IGHMBP2: variants seen among roughly 807,000 people sequenced by gnomAD.
The protein encoded by IGHMBP2 is immunoglobulin mu DNA binding protein 2, also known as DNA-binding protein SMUBP-2.
Under a neutral mutation model 96.0 loss-of-function variants are expected in IGHMBP2, and 81 were observed. That is an observed-to-expected ratio of 0.84 (90% confidence interval 0.71 to 1.01). The LOEUF (loss-of-function observed/expected upper bound fraction) is 1.01. Ranked by LOEUF, IGHMBP2 falls within the 50% of genes least tolerant of loss-of-function variation. The pLI, the probability that IGHMBP2 is intolerant of heterozygous loss-of-function variation, is 0.00. For synonymous variants in IGHMBP2, 557 were observed against 548.9 expected (o/e 1.01, Z -0.21); for missense variants, 1,227 against 1,306.3 (o/e 0.94, Z 0.94).
intron 7 of IGHMBP2, among the ~76,000 whole-genome samples, chr11:68,920,281 G>A (rs1300350581): frequency 4.6e-5 from 7 of 152,184 alleles, no homozygotes; most frequent in Admixed American, 4.6e-4. Flanking sequence ...CTGGAGTACA[G>A]TGGTGCGGTC....
chr11:68,928,341 C>G (rs1859148286), intron 7 of IGHMBP2, among the ~76,000 whole-genome samples: 1 of 152,206 alleles, frequency 6.6e-6, no homozygotes, highest in Non-Finnish European at 1.5e-5. Flanking sequence ...CTTAATTATC[C>G]AAAGCCCAGC....
At position 68,935,394 on chromosome 11, in the gene IGHMBP2, A is replaced by G. The variant is rs1279063305; in HGVS notation, c.1728A>G (p.Ile576Met). Residue 576 changes from isoleucine to methionine, a missense_variant, in exon 12 of 15, where the codon ATA becomes ATG. Physicochemically the swap from Ile to Met is conservative, Grantham distance 10. Coordinates refer to ENST00000255078, the MANE Select transcript of IGHMBP2 (RefSeq NM_002180.3). ...AAGGCCGAGAGAAGGAGGCCGTGAT[A>G]CTGTCCTTCGTCAGATCCAACAGGA... is the stretch of plus-strand genomic sequence containing the variant. ...GFQGREKEAV[I>M]LSFVRSNRKG... The G allele has an allele frequency of 6.2e-7, 1 of 1,614,102 alleles. No homozygotes were observed.
At chr11:68,912,454 A>G (rs1435855380) in intron 5 of IGHMBP2, among the ~76,000 whole-genome samples, 1 of 151,800 alleles carries the variant, frequency 6.6e-6, no homozygotes, top group African/African-American at 2.4e-5. Context: ...ATGGCTGAAA[A>G]AGGATCTTTT....
At position 68,917,954 on chromosome 11, in the gene IGHMBP2, T is replaced by G. The variant is rs778685005; in HGVS notation, c.1060+71T>G. 42 of 1,517,840 alleles carry G rather than the reference T, an allele frequency of 2.8e-5. 1 individual carries two copies. Among genetic ancestry groups the G allele is most frequent in the Middle Eastern group, 4.3e-4 (2 of 4,628 alleles). 94.0% of individuals were successfully genotyped at this position (1,517,840 alleles called of 1,614,324 possible). On this transcript the variant is annotated intron_variant, in intron 7 of 14. Transcript: ENST00000255078. ...TTGGGGTGTGTTCCCTCTTCTGTTT[T>G]CTGGAAGAGTTTGTTTAGAATTGGT...
In IGHMBP2 at chr11:68,914,916, G is replaced by T; in HGVS notation, c.805G>T (p.Ala269Ser). 1 of 1,614,164 alleles carries T rather than the reference G, an allele frequency of 6.2e-7. No homozygotes were observed. Among genetic ancestry groups the T allele is most frequent in the Non-Finnish European group, 8.5e-7 (1 of 1,180,034 alleles). ...KQRILRLGHP[A>S]RLLESIQQHS... ...GCGGATTCTGCGCCTGGGACACCCTGCCCGCCTCCTGGAGTCCATTCAGCA... is the reference window on the plus strand; with the variant it reads ...GCGGATTCTGCGCCTGGGACACCCTTCCCGCCTCCTGGAGTCCATTCAGCA... Residue 269 changes from alanine to serine, a missense_variant, in exon 6 of 15, where the codon GCC becomes TCC. Ala to Ser is a moderately conservative substitution (Grantham distance 99). Transcript: ENST00000255078.
In IGHMBP2 at chr11:68,936,962, C is replaced by G. The variant is rs775801623; in HGVS notation, c.2482C>G (p.Pro828Ala). The stretch of plus-strand genomic sequence containing the variant: ...CAGGGAGCAGCGTGGCCCAGACCAG[C>G]CTGATCTGAGGACGCTGCACCTGGA... ...PPREQRGPDQPDLRTLHLERL... is the reference protein window; with the variant it reads ...PPREQRGPDQADLRTLHLERL... The change falls in exon 13 of 15, where the codon CCT becomes GCT. Residue 828 changes from proline (P) to alanine (A), a missense_variant. Physicochemically the swap from Pro to Ala is conservative, Grantham distance 27. This residue lies in a region of IGHMBP2 where 703 missense variants were observed against 770.3 expected (regional missense o/e 0.91). Coordinates refer to ENST00000255078, the MANE Select transcript of IGHMBP2 (RefSeq NM_002180.3). The G allele has an allele frequency of 1.9e-6, 3 of 1,606,130 alleles. No individual in the cohort carries two copies. The Admixed American group carries it at 5.1e-5, about 27-fold the overall frequency.
At chr11:68,906,802 C>A (rs1264482874) in intron 2 of IGHMBP2, among the ~76,000 whole-genome samples, 1 of 151,900 alleles carries the variant, frequency 6.6e-6, no homozygotes, top group Non-Finnish European at 1.5e-5. Context: ...GCCACCGTGC[C>A]TGGCTAATTT....
At chr11:68,933,629 C>T in intron 9 of IGHMBP2, 148 bp downstream of exon 9, 1 of 1,136,062 alleles carries the variant, frequency 8.8e-7, no homozygotes. Flanking sequence ...GTGGCCTTGC[C>T]CTGGAGAGCT....
chr11:68,916,699 C>T (rs140452822), intron 6 of IGHMBP2, among the ~76,000 whole-genome samples: 3 of 152,206 alleles, frequency 2.0e-5, no homozygotes, highest in Non-Finnish European at 4.4e-5. Flanking sequence ...CCCGTGGCAT[C>T]GAGGCTGCTT....
intron 12 of IGHMBP2, 36 bp from the exon 13 acceptor site, chr11:68,936,201 G>C: frequency 6.2e-7 from 1 of 1,611,578 alleles, no homozygotes; most frequent in Non-Finnish European, 8.5e-7. Flanking sequence ...TTCTTAGTCT[G>C]AAACCTGCTT....
Position 68,936,852 on chromosome 11 carries a change from C to T in IGHMBP2, c.2372C>T (p.Ala791Val). 2 of 1,613,222 alleles carry T rather than the reference C, an allele frequency of 1.2e-6. No individual in the cohort carries two copies. The highest frequency in any genetic ancestry group is 1.7e-6 in the Non-Finnish European group (2 of 1,179,932). The change falls in exon 13 of 15, where the codon GCA (alanine) becomes GTA (valine). Residue 791 changes from alanine (A) to valine (V), a missense_variant. Coordinates refer to ENST00000255078, the MANE Select transcript of IGHMBP2 (RefSeq NM_002180.3). Reference sequence around the variant, plus strand: ...AGCAAGAGGGCCCCGCGACCCCGAGCAGCCCTGGGACCCCCAGCAGGGACC... The same window carrying T: ...AGCAAGAGGGCCCCGCGACCCCGAGTAGCCCTGGGACCCCCAGCAGGGACC... Reference protein sequence around the residue: ...TVSKRAPRPRAALGPPAGTGG... With the variant: ...TVSKRAPRPRVALGPPAGTGG...
intron 4 of IGHMBP2, among the ~76,000 whole-genome samples, 164 bp downstream of exon 4, chr11:68,908,795 C>A (rs952605647): frequency 2.6e-5 from 4 of 151,014 alleles, no homozygotes; most frequent in Non-Finnish European, 5.9e-5. Flanking sequence ...ATGAACTGGA[C>A]CGTCCTCCTT....
intron 9 of IGHMBP2, 112 bp downstream of exon 9, chr11:68,933,593 C>CG (rs1859403318): frequency 1.5e-6 from 2 of 1,350,270 alleles, no homozygotes; most frequent in Non-Finnish European, 2.1e-6. Context: ...AAAGTCGACT[C>CG]TGAGGCTAGC....
chr11:68,924,436 C>T lies in IGHMBP2; in HGVS notation c.1061-4747C>T, dbSNP rs7119018. ...TTTATCTGGGCGGAGAGCCCAGGCCCGGCTGAACAAGGTGCTGTGCTCAGG... is the reference window on the plus strand; with the variant it reads ...TTTATCTGGGCGGAGAGCCCAGGCCTGGCTGAACAAGGTGCTGTGCTCAGG... On this transcript the variant is annotated intron_variant, in intron 7 of 14. Transcript: ENST00000255078. 5.3e-3 allele frequency among the ~76,000 whole-genome samples: 815 copies of T among 152,378 alleles called. 5 individuals are homozygous for T. The highest frequency in any genetic ancestry group is 0.019 in the African/African-American group (778 of 41,584).
At chr11:68,910,033 T>C (rs1442691985) in intron 4 of IGHMBP2, among the ~76,000 whole-genome samples, 1 of 152,200 alleles carries the variant, frequency 6.6e-6, no homozygotes, top group Non-Finnish European at 1.5e-5. Context: ...GTCCTGTGAG[T>C]ATTGGACTTG....
chr11:68,905,975 C>G (rs1858174525), intron 1 of IGHMBP2, 94 bp from the exon 2 acceptor site: 2 of 1,284,924 alleles, frequency 1.6e-6, no homozygotes, highest in Non-Finnish European at 2.3e-6. Flanking sequence ...GTGAGTAGAT[C>G]TTTATCTATG....
chr11:68,926,465 T>C (rs1859075195), intron 7 of IGHMBP2: 1 of 151,700 alleles, frequency 6.6e-6, no homozygotes, highest in Non-Finnish European at 1.5e-5. Context: ...GAGACTGGGT[T>C]TTACCATGTT....
At position 68,938,150 on chromosome 11, in the gene IGHMBP2, C is replaced by G. The variant is rs769106967; in HGVS notation, c.2612-32C>G. ...AAATGAGGGGCCAGGTGTTGTCTTTCCGTTTGCCTGAGTGACGCGGGTCTT... is the reference window on the plus strand; with the variant it reads ...AAATGAGGGGCCAGGTGTTGTCTTTGCGTTTGCCTGAGTGACGCGGGTCTT... On this transcript the variant is annotated intron_variant, in intron 13 of 14. Coordinates refer to ENST00000255078, the MANE Select transcript of IGHMBP2 (RefSeq NM_002180.3). 7.4e-6 allele frequency: 12 copies of G among 1,613,032 alleles called. 1 individual carries two copies. In the South Asian group the frequency reaches 1.2e-4, roughly 16 times the overall value.
rs760694911 is a variant in IGHMBP2 at position 68,938,363 on chromosome 11, G to T, written c.2784+9G>T. The T allele has an allele frequency of 1.2e-6, 2 of 1,603,626 alleles. No homozygotes were observed. The highest frequency in any genetic ancestry group is 2.2e-5 in the South Asian group (2 of 89,852). ...GCCACCACCTGCCCGAGGTATGTCG[G>T]CCTCCCCTCCTGCGATCAAACAGTG... On this transcript the variant is annotated intron_variant, in intron 14 of 14. Coordinates refer to ENST00000255078, the MANE Select transcript of IGHMBP2 (RefSeq NM_002180.3).
Sources: allele counts gnomAD v4.1 joint callset (sites outside exome capture counted in the v4.1 genomes callset), GRCh38; gene constraint gnomAD v4.1.1; regional missense constraint gnomAD v4.1.1; transcripts MANE v1.5; gene names NCBI Gene and HGNC (gene_info 2026-07-23, HGNC 2026-07-21).